Variants in PCDH19 observed in about 807,000 individuals in gnomAD.
PCDH19 encodes the protein protocadherin 19, also known as protocadherin-19.
In PCDH19, 6 loss-of-function variants were observed where a neutral mutation model predicts 46.2. The ratio of observed to expected loss-of-function variants is 0.13; its 90% confidence interval spans 0.07 to 0.26. PCDH19 has a LOEUF of 0.26. Ranked by LOEUF, PCDH19 falls within the 10% of genes least tolerant of loss-of-function variation. PCDH19 has a pLI of 1.00. For missense variants in PCDH19, 740 were observed against 972.3 expected (o/e 0.76, Z 3.18); for synonymous variants, 481 against 415.7 (o/e 1.16, Z -1.91).
At chrX:100,326,852 TCATGAGGTTGTCACCC>T (rs1925709939) in intron 5 of PCDH19, among the ~76,000 whole-genome samples, 1 of 111,304 alleles carries the variant, frequency 9.0e-6, no homozygotes, top group Admixed American at 9.5e-5. Flanking sequence ...TCTGGCAAAC[TCATGAGGTTGTCACCC>T]CATTTCTATG....
At chrX:100,359,515 G>C (rs1157477803) in intron 3 of PCDH19, among the ~76,000 whole-genome samples, 1 of 111,512 alleles carries the variant, frequency 9.0e-6, no homozygotes, top group African/African-American at 3.3e-5. Flanking sequence ...AAGATTAATA[G>C]TCATGATGGT....
intron 3 of PCDH19, 150 bp downstream of exon 3, chrX:100,402,374 A>G: frequency 1.9e-6 from 1 of 528,429 alleles, no homozygotes; most frequent in Non-Finnish European, 3.2e-6. Context: ...AAGCACTGAT[A>G]GCAAACCCTT....
chrX:100,406,696 G>T lies in PCDH19; in HGVS notation c.1902C>A (p.Ser634=). The change falls in exon 1 of 6, where the codon TCC becomes TCA. Residue 634 remains serine, a synonymous_variant. Transcript: ENST00000373034. ...VRTTRTFGES[S]KSSYELIVVA... is the part of the protein sequence containing the mutation. ...CCACGATAAGCTCATAGGAGGACTT[G>T]GAGCTCTCCCCGAAGGTGCGGGTGG... 1 of 1,211,423 alleles carries T rather than the reference G, an allele frequency of 8.3e-7. No individual in the cohort carries two copies. Among genetic ancestry groups the T allele is most frequent in the Non-Finnish European group, 1.1e-6 (1 of 895,169 alleles).
intron 3 of PCDH19, among the ~76,000 whole-genome samples, chrX:100,359,784 CAT>C (rs1278218531): frequency 1.0e-5 from 1 of 95,666 alleles, no homozygotes; most frequent in Admixed American, 1.3e-4. Flanking sequence ...TATGTACACA[CAT>C]ATAAGAGTGT....
At chrX:100,392,878 T>G (rs185388582) in intron 3 of PCDH19, among the ~76,000 whole-genome samples, 1 of 111,751 alleles carries the variant, frequency 8.9e-6, no homozygotes, top group African/African-American at 3.3e-5. Flanking sequence ...CCAATCCCTC[T>G]GAATGCAGTT....
At chrX:100,342,484 C>T (rs945223932) in intron 4 of PCDH19, among the ~76,000 whole-genome samples, 3 of 112,005 alleles carry the variant, frequency 2.7e-5, no homozygotes, top group Non-Finnish European at 3.8e-5. Flanking sequence ...CATTAATTAA[C>T]TGTTGAAATC....
At chrX:100,378,311 T>A (rs777492367) in intron 3 of PCDH19, among the ~76,000 whole-genome samples, 1 of 113,213 alleles carries the variant, frequency 8.8e-6, no homozygotes, top group South Asian at 3.6e-4. Flanking sequence ...TCTGCCCACG[T>A]GGATCCTTGA....
Position 100,363,144 on chromosome X carries a change from A to T in PCDH19, c.2617-12440T>A, listed in dbSNP as rs542819821. Among the ~76,000 whole-genome samples the T allele has an allele frequency of 4.5e-5, 5 of 110,892 alleles. No individual in the cohort carries two copies. The South Asian group carries it at 1.9e-3, about 43-fold the overall frequency. ...AACATAAAACCCTGTCTCTACTAAA[A>T]ATACAAAAAATTAGCCAGGCGTAGT... On this transcript the variant is annotated intron_variant, in intron 3 of 5. Transcript: ENST00000373034.
chrX:100,299,450 G>A (rs187737231), intron 5 of PCDH19, among the ~76,000 whole-genome samples: 27 of 111,026 alleles, frequency 2.4e-4, no homozygotes, highest in Non-Finnish European at 4.0e-4. Context: ...CCACCCATGT[G>A]TCACCCTGAA....
At chrX:100,378,562 T>C (rs1159743081) in intron 3 of PCDH19, among the ~76,000 whole-genome samples, 1 of 112,353 alleles carries the variant, frequency 8.9e-6, no homozygotes, top group Non-Finnish European at 1.9e-5. Context: ...CTGTTCTTCA[T>C]GTGTAGTTAT....
At chrX:100,340,782 C>T (rs776696518) in intron 5 of PCDH19, among the ~76,000 whole-genome samples, 15 of 112,087 alleles carry the variant, frequency 1.3e-4, no homozygotes, top group Non-Finnish European at 1.9e-4. Context: ...GTGGATAGTA[C>T]ATTTTTTCCT....
intron 3 of PCDH19, among the ~76,000 whole-genome samples, chrX:100,381,715 A>G (rs757548977): frequency 1.8e-5 from 2 of 112,328 alleles, no homozygotes; most frequent in Admixed American, 1.9e-4. Context: ...CCTAAAATTA[A>G]TTTAAAAGAA....
intron 3 of PCDH19, among the ~76,000 whole-genome samples, chrX:100,395,479 G>A (rs1475825236): frequency 8.9e-6 from 1 of 112,726 alleles, no homozygotes; most frequent in Non-Finnish European, 1.9e-5. Context: ...AAAACGCTTG[G>A]AAGCTGCACC....
At chrX:100,373,038 C>T (rs763016883) in intron 3 of PCDH19, among the ~76,000 whole-genome samples, 152 of 112,554 alleles carry the variant, frequency 1.4e-3, no homozygotes, top group African/African-American at 4.7e-3. Context: ...TTGATGGAGT[C>T]TTGCTCTGTC....
intron 3 of PCDH19, among the ~76,000 whole-genome samples, chrX:100,374,960 A>C (rs2147511676): frequency 9.4e-6 from 1 of 106,794 alleles, no homozygotes; most frequent in Non-Finnish European, 1.9e-5. Flanking sequence ...AAAAAAAATG[A>C]AATATTTGAG....
At chrX:100,369,122 A>G (rs986821580) in intron 3 of PCDH19, among the ~76,000 whole-genome samples, 3 of 111,502 alleles carry the variant, frequency 2.7e-5, no homozygotes, top group Non-Finnish European at 5.6e-5. Context: ...TGCCTTTTGG[A>G]AAAAAGCCTG....
At chrX:100,384,113 C>T (rs1008338120) in intron 3 of PCDH19, among the ~76,000 whole-genome samples, 1 of 111,545 alleles carries the variant, frequency 9.0e-6, no homozygotes, top group African/African-American at 3.3e-5. Flanking sequence ...CATAAAAATA[C>T]TGGAAGAAAT....
At position 100,371,607 on chromosome X, in the gene PCDH19, A is replaced by G. The variant is rs140648199; in HGVS notation, c.2617-20903T>C. Reference sequence around the variant, plus strand: ...TATTTAAATTTGCAAATTTTCTCCAAAACTCATTATCTTCCTTTTCTGCCT... The same window carrying G: ...TATTTAAATTTGCAAATTTTCTCCAGAACTCATTATCTTCCTTTTCTGCCT... On this transcript the variant is annotated intron_variant, in intron 3 of 5. Transcript: ENST00000373034. Among the ~76,000 whole-genome samples, 822 of 111,183 alleles carry G rather than the reference A, an allele frequency of 7.4e-3. 10 individuals are homozygous for G. Among genetic ancestry groups the G allele is most frequent in the African/African-American group, 0.026 (783 of 30,529 alleles).
At chrX:100,376,000 G>T (rs1927367639) in intron 3 of PCDH19, among the ~76,000 whole-genome samples, 1 of 111,155 alleles carries the variant, frequency 9.0e-6, no homozygotes, top group Admixed American at 9.5e-5. Flanking sequence ...CCTTTGGGAG[G>T]CTAAGGTGGG....
Sources: allele counts gnomAD v4.1 joint callset (sites outside exome capture counted in the v4.1 genomes callset), GRCh38; gene constraint gnomAD v4.1.1; transcripts MANE v1.5; gene names NCBI Gene and HGNC (gene_info 2026-07-23, HGNC 2026-07-21).